OCA2: variants seen among roughly 807,000 people sequenced by gnomAD.
The protein encoded by OCA2 is OCA2 melanosomal transmembrane protein.
A neutral mutation model predicts 100.2 loss-of-function variants in OCA2; 77 were observed. The ratio of observed to expected loss-of-function variants is 0.77; its 90% CI spans 0.64 to 0.93. OCA2 has a LOEUF of 0.93. Among genes scored for constraint, OCA2 ranks in the 40% least tolerant of loss-of-function variants. The probability of loss-of-function intolerance (pLI) is 0.00; values close to 1 mark genes in which losing one functional copy is unlikely to be tolerated. For synonymous variants in OCA2, 432 were observed against 439.2 expected, an observed-to-expected ratio of 0.98 and a Z score of 0.21; for missense variants, 1,062 against 1,089.1, an observed-to-expected ratio of 0.98 and a Z score of 0.35.
At chr15:27,801,575 A>T (rs1000392205) in intron 23 of OCA2, among the ~76,000 whole-genome samples, 16 of 149,212 alleles carry the variant, frequency 1.1e-4, no homozygotes, top group African/African-American at 3.2e-4. Context: ...AAAAAAAAAA[A>T]AGAAGGATAA....
At chr15:28,002,146 G>A (rs2041947608) in intron 9 of OCA2, among the ~76,000 whole-genome samples, 1 of 152,206 alleles carries the variant, frequency 6.6e-6, no homozygotes, top group Admixed American at 6.5e-5. Context: ...TGATACAAGA[G>A]GCCAGAAAAA....
At chr15:27,959,904 A>C (rs1323622362) in intron 15 of OCA2, among the ~76,000 whole-genome samples, 1 of 152,210 alleles carries the variant, frequency 6.6e-6, no homozygotes, top group Non-Finnish European at 1.5e-5. Flanking sequence ...TGTGGAATGT[A>C]ATATACAAAT....
At chr15:27,974,698 G>A (rs747292429) in intron 14 of OCA2, among the ~76,000 whole-genome samples, 4 of 152,172 alleles carry the variant, frequency 2.6e-5, no homozygotes, top group Admixed American at 6.5e-5. Context: ...AACCCAGGAG[G>A]CGGAGGTTGC....
At chr15:27,786,158 G>A (rs1325694122) in intron 23 of OCA2, among the ~76,000 whole-genome samples, 2 of 152,156 alleles carry the variant, frequency 1.3e-5, no homozygotes, top group African/African-American at 4.8e-5. Context: ...GTAGTTGCCA[G>A]GAACACATTT....
intron 4 of OCA2, among the ~76,000 whole-genome samples, chr15:28,027,199 C>T (rs1255431263): frequency 2.0e-5 from 3 of 152,214 alleles, no homozygotes; most frequent in Non-Finnish European, 2.9e-5. Context: ...CGGCCTCCCA[C>T]GCATGCGCGC....
At chr15:28,057,200 A>C (rs2043728649) in intron 2 of OCA2, among the ~76,000 whole-genome samples, 1 of 152,242 alleles carries the variant, frequency 6.6e-6, no homozygotes, top group Non-Finnish European at 1.5e-5. Context: ...TTTACATTTT[A>C]TGAATACATT....
intron 2 of OCA2, among the ~76,000 whole-genome samples, chr15:28,071,007 T>C (rs2141789416): frequency 7.0e-6 from 1 of 142,708 alleles, no homozygotes; most frequent in East Asian, 2.1e-4. Context: ...TCTCAAGTAA[T>C]CAGGGACACA....
chr15:27,754,856 T>G (rs2030212020), downstream of OCA2: 1 of 167,528 alleles, frequency 6.0e-6, no homozygotes, highest in Non-Finnish European at 1.3e-5. Context: ...TTTTACATAA[T>G]GTAAACTACT....
chr15:27,893,501 C>T (rs1223176316), intron 19 of OCA2, among the ~76,000 whole-genome samples: 1 of 152,052 alleles, frequency 6.6e-6, no homozygotes, highest in East Asian at 1.9e-4. Context: ...AATAAATGGA[C>T]GTGCAAGTAG....
At chr15:27,777,446 C>T (rs943983727) in intron 23 of OCA2, among the ~76,000 whole-genome samples, 3 of 152,118 alleles carry the variant, frequency 2.0e-5, no homozygotes, top group Non-Finnish European at 4.4e-5. Flanking sequence ...CATTGCTTCT[C>T]TAGCTGGAAA....
At chr15:28,046,276 A>T (rs973467371) in intron 2 of OCA2, among the ~76,000 whole-genome samples, 1 of 152,146 alleles carries the variant, frequency 6.6e-6, no homozygotes, top group African/African-American at 2.4e-5. Context: ...TAAAGGGAAA[A>T]TTTGCAAAAG....
Position 27,850,755 on chromosome 15 carries a change from A to AT in OCA2, c.2338+626dup. Among the ~76,000 whole-genome samples, 2 of 152,310 alleles carry AT rather than the reference A, an allele frequency of 1.3e-5. 1 individual carries two copies. The highest frequency in any genetic ancestry group is 3.9e-4 in the East Asian group (2 of 5,186). On this transcript the variant is annotated intron_variant, in intron 22 of 23. Coordinates refer to ENST00000354638, the MANE Select transcript of OCA2 (RefSeq NM_000275.3). Reference sequence around the variant, plus strand: ...AGAATAAAAACTTAAAGCGTATCTGATGTGTTGATCTAAGATTCTTCACAA... The same window carrying AT: ...AGAATAAAAACTTAAAGCGTATCTGATTGTGTTGATCTAAGATTCTTCACAA...
intron 21 of OCA2, among the ~76,000 whole-genome samples, chr15:27,870,503 G>A (rs552062620): frequency 6.6e-6 from 1 of 152,260 alleles, no homozygotes; most frequent in South Asian, 2.1e-4. Context: ...AAAGGTCTTC[G>A]ATGTGTACTT....
chr15:27,918,327 C>T (rs2038741505), intron 19 of OCA2, among the ~76,000 whole-genome samples: 1 of 152,132 alleles, frequency 6.6e-6, no homozygotes, highest in Non-Finnish European at 1.5e-5. Context: ...GCCTCGGCCT[C>T]CCAAAGTGCT....
Position 27,951,878 on chromosome 15 carries a change from G to A in OCA2, c.1857C>T (p.Asp619=), listed in dbSNP as rs7164127. The change falls in exon 18 of 24, where the codon GAC becomes GAT. Residue 619 remains aspartate (D), a synonymous_variant. Transcript: ENST00000354638. ...TCAGGCATTTGGCGAGCAGAATCCC[G>A]TCAGATATCCTATGCTGTAAGAGAG... ...QELQKKHRIS[D]GILLAKCLTV... is the part of the protein sequence containing the mutation. The A allele has an allele frequency of 5.5e-4, 889 of 1,611,848 alleles. No homozygotes were observed. The highest frequency in any genetic ancestry group is 1.0e-3 in the African/African-American group (75 of 74,984).
Position 28,043,173 on chromosome 15 carries a change from T to C in OCA2, c.228-11010A>G, listed in dbSNP as rs1021243455. Among the ~76,000 whole-genome samples, 4 of 152,220 alleles carry C rather than the reference T, an allele frequency of 2.6e-5. No homozygotes were observed. Among genetic ancestry groups the C allele is most frequent in the African/African-American group, 7.2e-5 (3 of 41,464 alleles). ...TTACAGGAGCAATTTTAGGATTACT[T>C]GGATGTAAGAACATCACCTGTATTT... On this transcript the variant is annotated intron_variant, in intron 2 of 23. Transcript: ENST00000354638. This position sits in a 1 kb window ranked among gnomAD's most constrained non-coding sequence, Gnocchi z 4.4.
chr15:28,024,957 A>T, intron 4 of OCA2, 55 bp from the exon 5 acceptor site: 1 of 1,533,468 alleles, frequency 6.5e-7, no homozygotes, highest in Non-Finnish European at 9.0e-7. Context: ...TGTTGCCCAG[A>T]CTCAGACACT....
In OCA2 at chr15:28,020,671, T is replaced by C. The variant is rs369390430; in HGVS notation, c.646+1830A>G. The stretch of plus-strand genomic sequence containing the variant: ...AACATCACACAGCTCTTCGGTTCTC[T>C]CACATGGAGATACTTTACAGCTCAG... On this transcript the variant is annotated intron_variant, in intron 6 of 23. Transcript: ENST00000354638. Among the ~76,000 whole-genome samples, 17 of 151,954 alleles carry C rather than the reference T, an allele frequency of 1.1e-4. No homozygotes were observed. The East Asian group carries it at 2.9e-3, about 26-fold the overall frequency.
intron 23 of OCA2, among the ~76,000 whole-genome samples, chr15:27,783,222 C>T (rs1405111552): frequency 2.0e-5 from 3 of 152,178 alleles, no homozygotes; most frequent in African/African-American, 7.2e-5. Flanking sequence ...AAGTGAAAGT[C>T]ATTCTTAAAG....
Sources: allele counts gnomAD v4.1 joint callset (sites outside exome capture counted in the v4.1 genomes callset), GRCh38; gene constraint gnomAD v4.1.1; non-coding constraint Gnocchi (gnomAD v3.1); transcripts MANE v1.5; gene names NCBI Gene and HGNC (gene_info 2026-07-23, HGNC 2026-07-21).